Variants in FBXL2 observed in about 807,000 individuals in gnomAD.
FBXL2 encodes the protein F-box/LRR-repeat protein 2.
Under a neutral mutation model 69.2 loss-of-function variants are expected in FBXL2, and 38 were observed. That is an observed-to-expected ratio of 0.55 (90% CI 0.42 to 0.72). FBXL2 has a LOEUF of 0.72. Among genes scored for constraint, FBXL2 ranks in the 30% least tolerant of loss-of-function variants. The pLI is 0.00. For synonymous variants in FBXL2, 192 were observed against 201.3 expected, an observed-to-expected ratio of 0.95 and a Z score of 0.39; for missense variants, 354 against 520.3, an observed-to-expected ratio of 0.68 and a Z score of 3.11.
At chr3:33,291,708 C>T (rs1169787671) in intron 1 of FBXL2, among the ~76,000 whole-genome samples, 1 of 151,842 alleles carries the variant, frequency 6.6e-6, no homozygotes, top group Non-Finnish European at 1.5e-5. Context: ...GCTGTAAGAT[C>T]AGTGAAGGAA....
chr3:33,337,417 G>T (rs557553556), intron 2 of FBXL2, among the ~76,000 whole-genome samples: 4 of 152,136 alleles, frequency 2.6e-5, no homozygotes, highest in Non-Finnish European at 5.9e-5. Context: ...TTGTAGCAGG[G>T]AAATACATTT....
intron 2 of FBXL2, among the ~76,000 whole-genome samples, chr3:33,336,925 C>T (rs997703429): frequency 2.0e-5 from 3 of 149,552 alleles, no homozygotes; most frequent in African/African-American, 7.4e-5. Context: ...ACAACCTTGG[C>T]CTGGCGCAGT....
intron 9 of FBXL2, among the ~76,000 whole-genome samples, chr3:33,374,775 G>A (rs2042529499): frequency 6.8e-6 from 1 of 146,946 alleles, no homozygotes; most frequent in African/African-American, 2.6e-5. Flanking sequence ...TAGAATTTAA[G>A]GTATTTATCA....
the FBXL2 span, chr3:33,409,578 A>G: frequency 2.5e-5 from 40 of 1,614,112 alleles, no homozygotes; most frequent in South Asian, 4.0e-4. Context: ...TCCGTGGAGT[A>G]AATTCTGTGC....
chr3:33,384,406 C>A (rs1351502651), intron 14 of FBXL2, among the ~76,000 whole-genome samples: 1 of 152,064 alleles, frequency 6.6e-6, no homozygotes, highest in Non-Finnish European at 1.5e-5. Context: ...ACTAAAAATA[C>A]AAAAATTAGC....
intron 2 of FBXL2, among the ~76,000 whole-genome samples, chr3:33,298,955 A>G (rs939187180): frequency 1.3e-5 from 2 of 151,962 alleles, no homozygotes; most frequent in African/African-American, 4.8e-5. Context: ...GCTAATGTGC[A>G]TGGCGATGAT....
At chr3:33,354,866 A>G (rs2154039532) in intron 2 of FBXL2, among the ~76,000 whole-genome samples, 1 of 152,374 alleles carries the variant, frequency 6.6e-6, no homozygotes, top group Middle Eastern at 3.4e-3. Flanking sequence ...ATGAATGGAC[A>G]AATTTAGAAA....
At chr3:33,392,442 A>C, downstream of FBXL2, 1 of 838,836 alleles carries the variant, frequency 1.2e-6, no homozygotes, top group South Asian at 2.2e-5. Context: ...CATTTATCAA[A>C]CTTTCTTCTT....
chr3:33,296,266 A>G (rs899596567), intron 1 of FBXL2, among the ~76,000 whole-genome samples: 1 of 152,090 alleles, frequency 6.6e-6, no homozygotes, highest in Non-Finnish European at 1.5e-5. Flanking sequence ...GGGTTTCACC[A>G]TGTTGGCCAG....
At chr3:33,417,667 G>A in the FBXL2 span, among the ~76,000 whole-genome samples, 1 of 151,990 alleles carries the variant, frequency 6.6e-6, no homozygotes, top group African/African-American at 2.4e-5. Context: ...AATTAATAAT[G>A]TACTCCAAAT....
At position 33,386,857 on chromosome 3, in the gene FBXL2, T is replaced by C. The variant is rs551334708; in HGVS notation, c.*1249T>C. The C allele has an allele frequency of 6.6e-6, 1 of 152,322 alleles. No individual in the cohort carries two copies. Among genetic ancestry groups the C allele is most frequent in the Admixed American group, 6.5e-5 (1 of 15,300 alleles). The allele number at this position is 152,322 out of a possible 1,614,324, so 9.4% of individuals were successfully genotyped here. On this transcript the variant is annotated 3_prime_UTR_variant, in exon 15 of 15. Transcript: ENST00000484457. Reference sequence around the variant, plus strand: ...TGTAAACTTAGGTGTTCATGGTGGCTGGCCCTTCCAAACAACCACTCCCCC... The same window carrying C: ...TGTAAACTTAGGTGTTCATGGTGGCCGGCCCTTCCAAACAACCACTCCCCC...
chr3:33,390,121 G>C, downstream of FBXL2: 1 of 564,876 alleles, frequency 1.8e-6, no homozygotes, highest in Non-Finnish European at 3.2e-6. Context: ...ATGCTGTGCC[G>C]ATGTGCTCAC....
At chr3:33,409,201 C>T in the FBXL2 span, 64 of 1,597,976 alleles carry the variant, frequency 4.0e-5, no homozygotes, top group Middle Eastern at 5.8e-4. Flanking sequence ...GCAACCTTTG[C>T]TTCTCTTCCA....
In FBXL2 at chr3:33,373,666, C is replaced by G; in HGVS notation, c.544C>G (p.Arg182Gly). ...CATCGAGGCACTGGTGCGAGGTTGTCGAGGCCTGAAAGCCCTGCTCCTGAG... is the reference window on the plus strand; with the variant it reads ...CATCGAGGCACTGGTGCGAGGTTGTGGAGGCCTGAAAGCCCTGCTCCTGAG... ...DGIEALVRGC[R>G]GLKALLLRGC... Residue 182 changes from arginine to glycine, a missense_variant, in exon 8 of 15, where the codon CGA (arginine) becomes GGA (glycine). Transcript: ENST00000484457. 1.2e-6 allele frequency: 2 copies of G among 1,614,138 alleles called. No individual in the cohort carries two copies. The highest frequency in any genetic ancestry group is 1.7e-6 in the Non-Finnish European group (2 of 1,180,038).
chr3:33,333,243 G>C (rs2039314152), intron 2 of FBXL2, among the ~76,000 whole-genome samples: 2 of 152,160 alleles, frequency 1.3e-5, no homozygotes, highest in Admixed American at 1.3e-4. Context: ...GTAAAAATAA[G>C]TATTGATTGT....
At chr3:33,375,214 G>A (rs1001869772) in intron 9 of FBXL2, 74 bp from the exon 10 acceptor site, 195 of 1,570,650 alleles carry the variant, frequency 1.2e-4, no homozygotes, top group Non-Finnish European at 1.5e-4. Flanking sequence ...AACAACAGCA[G>A]ATACTTTTCT....
chr3:33,370,539 A>G (rs1293091555), intron 5 of FBXL2, among the ~76,000 whole-genome samples: 1 of 151,818 alleles, frequency 6.6e-6, no homozygotes, highest in Non-Finnish European at 1.5e-5. Context: ...ATCTGCTGTC[A>G]CCCTTATGTT....
chr3:33,344,090 AAAAG>A (rs2040265585), intron 2 of FBXL2, among the ~76,000 whole-genome samples: 1 of 151,990 alleles, frequency 6.6e-6, no homozygotes, highest in African/African-American at 2.4e-5. Context: ...AAAATACAAA[AAAAG>A]ATAACACTCA....
At chr3:33,364,172 A>G (rs567505125) in intron 4 of FBXL2, among the ~76,000 whole-genome samples, 1 of 152,232 alleles carries the variant, frequency 6.6e-6, no homozygotes, top group South Asian at 2.1e-4. Flanking sequence ...TTTGCAATAT[A>G]TTGTTATACT....
Sources: gnomAD v4.1 joint callset for allele counts (sites outside exome capture counted in the v4.1 genomes callset) on GRCh38, gnomAD v4.1.1 for gene constraint, MANE v1.5 for transcripts, NCBI Gene and HGNC (gene_info 2026-07-23, HGNC 2026-07-21) for gene names.